The following RAB6A variants were observed in gnomAD, a reference collection of about 807,000 sequenced individuals.
RAB6A encodes the protein RAB6A, member RAS oncogene family, also known as ras-related protein Rab-6A.
Under a neutral mutation model 32.3 loss-of-function variants are expected in RAB6A, and 8 were observed. The ratio of observed to expected loss-of-function variants is 0.25; its 90% confidence interval spans 0.15 to 0.45. RAB6A has a LOEUF of 0.45. RAB6A is among the 20% of genes least tolerant of loss of function. The probability of loss-of-function intolerance (pLI) is 1.00; values close to 1 mark genes in which losing one functional copy is unlikely to be tolerated. For missense variants in RAB6A, 104 were observed against 249.4 expected (o/e 0.42, Z 3.93); for synonymous variants, 73 against 82.1 (o/e 0.89, Z 0.60).
intron 6 of RAB6A, among the ~76,000 whole-genome samples, chr11:73,681,542 G>A (rs994588965): frequency 2.0e-5 from 3 of 152,226 alleles, no homozygotes; most frequent in African/African-American, 7.2e-5. Context: ...GCCAGACTTG[G>A]TGGCTCACGC....
intron 2 of RAB6A, among the ~76,000 whole-genome samples, chr11:73,723,937 A>C (rs922070382): frequency 3.9e-5 from 6 of 152,212 alleles, no homozygotes; most frequent in Non-Finnish European, 2.9e-5. Flanking sequence ...AGTACCCTGC[A>C]TTTCAATATA....
intron 6 of RAB6A, among the ~76,000 whole-genome samples, chr11:73,685,075 T>C (rs1422314483): frequency 6.6e-6 from 1 of 152,100 alleles, no homozygotes; most frequent in Non-Finnish European, 1.5e-5. Flanking sequence ...AAAGGTAAAG[T>C]GTGGATAGCA....
At chr11:73,709,464 C>A in intron 5 of RAB6A, among the ~76,000 whole-genome samples, 1 of 142,858 alleles carries the variant, frequency 7.0e-6, no homozygotes, top group East Asian at 2.0e-4. Context: ...ATTATTATTA[C>A]TATTATTATT....
At chr11:73,752,826 G>T (rs961277458) in intron 1 of RAB6A, among the ~76,000 whole-genome samples, 7 of 132,066 alleles carry the variant, frequency 5.3e-5, no homozygotes, top group African/African-American at 2.0e-4. Context: ...TCAAAAAAAA[G>T]AAAAAAAAAA....
At chr11:73,690,618 G>A (rs1945536551) in intron 6 of RAB6A, among the ~76,000 whole-genome samples, 1 of 146,848 alleles carries the variant, frequency 6.8e-6, no homozygotes, top group African/African-American at 2.5e-5. Context: ...ATAAAACCTG[G>A]AAAAAGAAGT....
chr11:73,699,285 G>A (rs1945704632), intron 6 of RAB6A, among the ~76,000 whole-genome samples: 1 of 152,006 alleles, frequency 6.6e-6, no homozygotes, highest in Non-Finnish European at 1.5e-5. Flanking sequence ...TGAATCAAGG[G>A]TCTTGCTCTG....
chr11:73,760,087 G>T, intron 1 of RAB6A: 1 of 1,290,510 alleles, frequency 7.7e-7, no homozygotes, highest in Non-Finnish European at 1.0e-6. Context: ...AAGCCTCTGG[G>T]GAAAACAACG....
chr11:73,726,581 C>CAA (rs60281561), intron 2 of RAB6A, among the ~76,000 whole-genome samples: 416 of 29,820 alleles, frequency 0.014, 104 homozygotes, highest in African/African-American at 0.021. Context: ...GACTCTGTCT[C>CAA]AAAAAAAAAA....
intron 6 of RAB6A, among the ~76,000 whole-genome samples, chr11:73,707,105 C>T (rs117256902): frequency 0.039 from 5,137 of 131,416 alleles, 135 homozygotes; most frequent in Non-Finnish European, 0.054. Context: ...GCAACAAGAG[C>T]GAAACTCCAT....
intron 2 of RAB6A, among the ~76,000 whole-genome samples, chr11:73,725,290 C>T (rs1181937871): frequency 6.6e-6 from 1 of 152,170 alleles, no homozygotes; most frequent in Non-Finnish European, 1.5e-5. Flanking sequence ...GCTTGGTAAA[C>T]TGATAACCTA....
In RAB6A at chr11:73,744,773, G is replaced by A. The variant is rs955615180; in HGVS notation, c.71-13950C>T. Among the ~76,000 whole-genome samples the A allele has an allele frequency of 2.6e-4, 39 of 151,978 alleles. 1 individual carries two copies. Among genetic ancestry groups the A allele is most frequent in the African/African-American group, 8.4e-4 (35 of 41,486 alleles). On this transcript the variant is annotated intron_variant, in intron 1 of 7. Coordinates refer to ENST00000336083, the MANE Select transcript of RAB6A (RefSeq NM_198896.2). ...GGGCAGGTCATGAGGTCAAGAGATC[G>A]AGACCATCCTGGCCAACATGGTGAA...
chr11:73,722,177 CAT>C (rs1271934104), intron 2 of RAB6A, among the ~76,000 whole-genome samples: 1 of 149,502 alleles, frequency 6.7e-6, no homozygotes, highest in Admixed American at 6.8e-5. Context: ...CAAACTAATA[CAT>C]GTGTCTCCTT....
chr11:73,753,902 A>T (rs1946706497), intron 1 of RAB6A, among the ~76,000 whole-genome samples: 1 of 152,162 alleles, frequency 6.6e-6, no homozygotes. Context: ...TAAATTCCTT[A>T]AAAGTAAGCA....
chr11:73,747,612 C>T (rs1351744809), intron 1 of RAB6A, among the ~76,000 whole-genome samples: 1 of 152,114 alleles, frequency 6.6e-6, no homozygotes, highest in Non-Finnish European at 1.5e-5. Context: ...TAGAATTTCA[C>T]CCATTTTTCT....
intron 1 of RAB6A, among the ~76,000 whole-genome samples, chr11:73,746,964 C>A (rs1254125488): frequency 3.9e-5 from 6 of 152,128 alleles, no homozygotes; most frequent in African/African-American, 1.4e-4. Context: ...GAGACGGAGT[C>A]TCGCTCTGTC....
In RAB6A at chr11:73,723,054, C is replaced by T. The variant is rs1466753850; in HGVS notation, c.130-2155G>A. Among the ~76,000 whole-genome samples, 8 of 151,960 alleles carry T rather than the reference C, an allele frequency of 5.3e-5. No individual in the cohort carries two copies. In the East Asian group the frequency reaches 1.6e-3, roughly 30 times the overall value. ...ACTCCTGGCCTCAAGTGATTCCCCC[C>T]GACCTCGGCCTCCCAAAGTGCCAGG... On this transcript the variant is annotated intron_variant, in intron 2 of 7. Transcript: ENST00000336083.
Position 73,685,286 on chromosome 11 carries a change from CTTTT to C in RAB6A, c.496-5570_496-5567del, listed in dbSNP as rs750488240. Among the ~76,000 whole-genome samples the C allele has an allele frequency of 8.3e-3, 971 of 117,222 alleles. 7 individuals are homozygous for C. The highest frequency in any genetic ancestry group is 0.022 in the African/African-American group (679 of 30,594). 76.9% of individuals were successfully genotyped at this position (117,222 alleles called of 152,430 possible). A position where few individuals can be genotyped will look rare whatever the true frequency, so the allele number is the denominator to read the frequency against. On this transcript the variant is annotated intron_variant, in intron 6 of 7. Transcript: ENST00000336083. ...AGTACTGACCTGCTATATAGAAAGTCTTTTTTTTTTTTTTTTTTTTGAGACGGAG... is the reference window on the plus strand; with the variant it reads ...AGTACTGACCTGCTATATAGAAAGTCTTTTTTTTTTTTTTTTGAGACGGAG...
In RAB6A at chr11:73,676,659, T is replaced by A. The variant is rs151335581; in HGVS notation, c.*1239A>T. 3 of 167,204 alleles carry A rather than the reference T, an allele frequency of 1.8e-5. No homozygotes were observed. The highest frequency in any genetic ancestry group is 7.2e-5 in the African/African-American group (3 of 41,588). 10.4% of individuals were successfully genotyped at this position (167,204 alleles called of 1,614,324 possible). On this transcript the variant is annotated 3_prime_UTR_variant, in exon 8 of 8. Coordinates refer to ENST00000336083, the MANE Select transcript of RAB6A (RefSeq NM_198896.2). ...AATAAGGCATAAATCTGCATAATAT[T>A]GAGTTTTATTTCCATTCTCTCCTTT...
At chr11:73,720,180 C>CTT (rs10688172) in intron 3 of RAB6A, among the ~76,000 whole-genome samples, 61,387 of 130,364 alleles carry the variant, frequency 0.47, 15,757 homozygotes, top group East Asian at 0.59. Context: ...ATACACATTA[C>CTT]TTTTTTTTTT....
Sources: gnomAD v4.1 joint callset for allele counts (sites outside exome capture counted in the v4.1 genomes callset) on GRCh38, gnomAD v4.1.1 for gene constraint, MANE v1.5 for transcripts, NCBI Gene and HGNC (gene_info 2026-07-23, HGNC 2026-07-21) for gene names.